ZNF385B: variants seen among roughly 807,000 people sequenced by gnomAD.
ZNF385B encodes the protein zinc finger protein 533.
A neutral mutation model predicts 39.2 loss-of-function variants in ZNF385B; 23 were observed. That is an observed-to-expected ratio of 0.59 (90% CI 0.42 to 0.83). The LOEUF (loss-of-function observed/expected upper bound fraction) is 0.83. Ranked by LOEUF, ZNF385B falls within the 40% of genes least tolerant of loss-of-function variation. ZNF385B has a pLI of 0.00. For missense variants in ZNF385B, 552 were observed against 598.9 expected, an observed-to-expected ratio of 0.92 and a Z score of 0.82; for synonymous variants, 205 against 222.6, an observed-to-expected ratio of 0.92 and a Z score of 0.70.
intron 1 of ZNF385B, among the ~76,000 whole-genome samples, chr2:179,795,177 G>A (rs577234639): frequency 6.6e-6 from 1 of 152,184 alleles, no homozygotes; most frequent in African/African-American, 2.4e-5. Flanking sequence ...AGGGTAGAAA[G>A]TTCTCAGAAG....
At chr2:179,726,941 T>A (rs1340965827) in intron 3 of ZNF385B, among the ~76,000 whole-genome samples, 1 of 152,034 alleles carries the variant, frequency 6.6e-6, no homozygotes, top group African/African-American at 2.4e-5. Context: ...TAATGAAGAA[T>A]GGAGATTAGA....
At chr2:179,813,399 T>C (rs1293522162) in intron 1 of ZNF385B, among the ~76,000 whole-genome samples, 1 of 152,172 alleles carries the variant, frequency 6.6e-6, no homozygotes, top group African/African-American at 2.4e-5. Context: ...CTAAAATTTT[T>C]AATTAATAAA....
intron 1 of ZNF385B, among the ~76,000 whole-genome samples, chr2:179,782,119 C>A (rs57357386): frequency 0.11 from 16,760 of 152,094 alleles, 1,568 homozygotes; most frequent in East Asian, 0.49. Flanking sequence ...AGCAGTACTT[C>A]AAAAAGCGAA....
At chr2:179,569,776 G>A (rs1160106003) in intron 3 of ZNF385B, among the ~76,000 whole-genome samples, 2 of 152,190 alleles carry the variant, frequency 1.3e-5, no homozygotes, top group Non-Finnish European at 2.9e-5. Context: ...CAAGGCTATA[G>A]ATACAGTCCA....
At chr2:179,681,257 A>G (rs1307114096) in intron 3 of ZNF385B, among the ~76,000 whole-genome samples, 1 of 152,254 alleles carries the variant, frequency 6.6e-6, no homozygotes, top group East Asian at 1.9e-4. Context: ...AATAACGTAC[A>G]TGAACAATGT....
intron 4 of ZNF385B, among the ~76,000 whole-genome samples, chr2:179,523,113 A>G (rs2058626552): frequency 6.6e-6 from 1 of 152,198 alleles, no homozygotes; most frequent in South Asian, 2.1e-4. Flanking sequence ...AGCAAGACCT[A>G]TTAGTGCAAT....
chr2:179,725,702 T>G lies in ZNF385B; in HGVS notation c.298+43801A>C, dbSNP rs143077448. ...AAAGCACAGAAATTTAACAAAAAAT[T>G]ACTATGCAAATTGTTTGAGAAAGGC... On this transcript the variant is annotated intron_variant, in intron 3 of 9. Coordinates refer to ENST00000410066, the MANE Select transcript of ZNF385B (RefSeq NM_152520.6). Among the ~76,000 whole-genome samples, 89 of 151,432 alleles carry G rather than the reference T, an allele frequency of 5.9e-4. 1 individual carries two copies. In the East Asian group the frequency reaches 7.0e-3, roughly 12 times the overall value.
At position 179,524,551 on chromosome 2, in the gene ZNF385B, C is replaced by CAAAAAAAAAAAAA. The variant is rs770219234; in HGVS notation, c.442-5926_442-5914dup. 1.1e-4 allele frequency among the ~76,000 whole-genome samples: 7 copies of CAAAAAAAAAAAAA among 60,990 alleles called. 1 individual carries two copies. The highest frequency in any genetic ancestry group is 0.014 in the Middle Eastern group (1 of 70). The allele number at this position is 60,990 out of a possible 152,430, so 40.0% of individuals were successfully genotyped here. Reference sequence around the variant, plus strand: ...TGGGTGACAGAGCGAGACTCCGTCTCAAAAAAAAAAAAAAAAAAAAAAAAA... The same window carrying CAAAAAAAAAAAAA: ...TGGGTGACAGAGCGAGACTCCGTCTCAAAAAAAAAAAAAAAAAAAAAAAAAAAAAAAAAAAAAA... On this transcript the variant is annotated intron_variant, in intron 4 of 9. Transcript: ENST00000410066.
intron 3 of ZNF385B, among the ~76,000 whole-genome samples, chr2:179,737,017 A>C (rs1268276382): frequency 6.6e-6 from 1 of 152,172 alleles, no homozygotes; most frequent in African/African-American, 2.4e-5. Context: ...CAACTCACTA[A>C]TGCTGTTCTC....
At chr2:179,557,217 A>T (rs1363647594) in intron 3 of ZNF385B, among the ~76,000 whole-genome samples, 1 of 149,430 alleles carries the variant, frequency 6.7e-6, no homozygotes, top group African/African-American at 2.5e-5. Flanking sequence ...ACAATCAAAG[A>T]TGTACAAGAA....
intron 1 of ZNF385B, among the ~76,000 whole-genome samples, chr2:179,824,454 T>C (rs1707570250): frequency 6.6e-6 from 1 of 152,130 alleles, no homozygotes; most frequent in Admixed American, 6.5e-5. Flanking sequence ...TTTTATAATA[T>C]CCTACACAGA....
At chr2:179,712,479 T>A (rs1482543137) in intron 3 of ZNF385B, among the ~76,000 whole-genome samples, 1 of 152,184 alleles carries the variant, frequency 6.6e-6, no homozygotes, top group Non-Finnish European at 1.5e-5. Flanking sequence ...TGATATCTCC[T>A]CTTTTCACCA....
intron 3 of ZNF385B, among the ~76,000 whole-genome samples, chr2:179,659,543 CA>C (rs1694223476): frequency 6.6e-6 from 1 of 151,650 alleles, no homozygotes; most frequent in South Asian, 2.1e-4. Flanking sequence ...GTATAATATA[CA>C]ATTATGAATA....
intron 5 of ZNF385B, among the ~76,000 whole-genome samples, chr2:179,493,673 G>A (rs1367527598): frequency 3.7e-5 from 4 of 107,188 alleles, no homozygotes; most frequent in Admixed American, 9.3e-5. Context: ...ATATGCATAT[G>A]CATATACATA....
At chr2:179,709,447 A>C (rs1007733121) in intron 3 of ZNF385B, among the ~76,000 whole-genome samples, 2 of 152,202 alleles carry the variant, frequency 1.3e-5, no homozygotes, top group African/African-American at 4.8e-5. Flanking sequence ...GGGTGCTGAC[A>C]CATGGAAGGA....
At chr2:179,716,820 G>C (rs1559124531) in intron 3 of ZNF385B, among the ~76,000 whole-genome samples, 1 of 152,280 alleles carries the variant, frequency 6.6e-6, no homozygotes, top group East Asian at 1.9e-4. Flanking sequence ...CCACCATGCA[G>C]TAAGGAAACC....
At chr2:179,581,179 T>G (rs1034637287) in intron 3 of ZNF385B, among the ~76,000 whole-genome samples, 1 of 152,220 alleles carries the variant, frequency 6.6e-6, no homozygotes. Flanking sequence ...AGCAAAATTA[T>G]GATTACAGAA....
intron 3 of ZNF385B, among the ~76,000 whole-genome samples, chr2:179,740,124 C>T (rs2106448250): frequency 6.6e-6 from 1 of 152,210 alleles, no homozygotes; most frequent in African/African-American, 2.4e-5. Context: ...TCCCAGCACC[C>T]AAGAATCCTG....
chr2:179,498,157 G>A (rs1307584349), intron 5 of ZNF385B, among the ~76,000 whole-genome samples: 1 of 152,054 alleles, frequency 6.6e-6, no homozygotes, highest in Non-Finnish European at 1.5e-5. Flanking sequence ...TTTCCAGACA[G>A]AAAATCAATA....
Sources: gnomAD v4.1 joint callset for allele counts (sites outside exome capture counted in the v4.1 genomes callset) on GRCh38, gnomAD v4.1.1 for gene constraint, MANE v1.5 for transcripts, NCBI Gene and HGNC (gene_info 2026-07-23, HGNC 2026-07-21) for gene names.